The following XG variants were observed in gnomAD, a reference collection of about 807,000 sequenced individuals.
XG encodes glycoprotein Xg.
A neutral mutation model predicts 25.7 loss-of-function variants in XG; 24 were observed. That is an observed-to-expected ratio of 0.93 (90% CI 0.68 to 1.31). The LOEUF (loss-of-function observed/expected upper bound fraction) is 1.31. Among genes scored for constraint, XG ranks in the 40% most tolerant of loss-of-function variants. The pLI, the probability that XG is intolerant of heterozygous loss-of-function variation, is 0.00. For synonymous variants in XG, 77 were observed against 69.2 expected, an observed-to-expected ratio of 1.11 and a Z score of -0.56; for missense variants, 181 against 187.6, an observed-to-expected ratio of 0.96 and a Z score of 0.21.
chrX:2,763,204 G>C (rs1190112369), intron 1 of XG, among the ~76,000 whole-genome samples: 3 of 152,092 alleles, frequency 2.0e-5, no homozygotes, highest in African/African-American at 7.2e-5. Flanking sequence ...AGTAGACACA[G>C]GGCTTCCCCA....
At chrX:2,794,464 C>T in intron 5 of XG, 71 bp from the exon 6 acceptor site, 1 of 1,112,290 alleles carries the variant, frequency 9.0e-7, no homozygotes, top group Non-Finnish European at 1.2e-6. Context: ...CCAGTGCCCC[C>T]AGCGCAGACC....
chrX:2,773,167 G>A (rs2050862406), intron 2 of XG, among the ~76,000 whole-genome samples: 1 of 150,246 alleles, frequency 6.7e-6, no homozygotes, highest in African/African-American at 2.5e-5. Context: ...CAGGGAGGGA[G>A]GGAGGAAAAA....
In XG at chrX:2,787,893, G is replaced by GTCT. The variant is rs2086799441; in HGVS notation, c.191-1751_191-1750insTCT. 1.4e-4 allele frequency among the ~76,000 whole-genome samples: 11 copies of GTCT among 76,818 alleles called. No homozygotes were observed. In the South Asian group the frequency reaches 9.3e-3, roughly 65 times the overall value. The allele number at this position is 76,818 out of a possible 115,157, so 66.7% of individuals were successfully genotyped here. On this transcript the variant is annotated intron_variant, in intron 4 of 10. Transcript: ENST00000644266. ...CTGCACTCCAGCCTGGGCAACAACA[G>GTCT]CAAAACTCCTTCTCAAAAAAAAAAA...
At chrX:2,806,611 T>C in intron 7 of XG, 90 bp from the exon 8 acceptor site, 1 of 822,575 alleles carries the variant, frequency 1.2e-6, no homozygotes, top group Non-Finnish European at 1.7e-6. Flanking sequence ...AGCATCTTGC[T>C]TCAGGTTTGC....
In XG at chrX:2,814,948, A is replaced by G. The variant is rs990083514; in HGVS notation, c.*568A>G. Reference sequence around the variant, plus strand: ...TTGATCATCCTTTCAGCTTTGAGATATCTGCACATAAAATTATTATTACCT... The same window carrying G: ...TTGATCATCCTTTCAGCTTTGAGATGTCTGCACATAAAATTATTATTACCT... On this transcript the variant is annotated 3_prime_UTR_variant, in exon 11 of 11. Coordinates refer to ENST00000644266, the MANE Select transcript of XG (RefSeq NM_001141919.2). The G allele has an allele frequency of 8.9e-6, 1 of 112,197 alleles. No homozygotes were observed. The highest frequency in any genetic ancestry group is 3.2e-5 in the African/African-American group (1 of 30,890). The allele number at this position is 112,197 out of a possible 1,213,427, so 9.2% of individuals were successfully genotyped here.
At chrX:2,762,634 G>A (rs1205987718) in intron 1 of XG, among the ~76,000 whole-genome samples, 1 of 152,146 alleles carries the variant, frequency 6.6e-6, no homozygotes, top group African/African-American at 2.4e-5. Context: ...TTATCCATGG[G>A]GCTAAAGTAG....
chrX:2,800,319 C>T (rs754907588), intron 7 of XG, among the ~76,000 whole-genome samples: 2 of 111,225 alleles, frequency 1.8e-5, no homozygotes, highest in East Asian at 2.8e-4. Flanking sequence ...TCAGAGTCTC[C>T]GTTTCTCTCT....
At chrX:2,770,036 T>TGGGGGGGG (rs1556363415) in intron 1 of XG, among the ~76,000 whole-genome samples, 1 of 43,334 alleles carries the variant, frequency 2.3e-5, no homozygotes, top group African/African-American at 8.6e-5. Flanking sequence ...GGGGGGGCGT[T>TGGGGGGGG]GGGGGGCGGG....
chrX:2,773,590 G>GGAA (rs2050892058), intron 2 of XG, among the ~76,000 whole-genome samples: 1 of 65,610 alleles, frequency 1.5e-5, no homozygotes. Flanking sequence ...AGAGAAGGAA[G>GGAA]GAAGGAGAGA....
intron 8 of XG, 108 bp from the exon 9 acceptor site, chrX:2,808,076 AC>A (rs2087020697): frequency 1.2e-6 from 1 of 868,085 alleles, no homozygotes; most frequent in African/African-American, 2.0e-5. Flanking sequence ...TTCCCTGAAA[AC>A]AGGGATCTGT....
At chrX:2,757,506 G>C (rs1273027191) in intron 1 of XG, among the ~76,000 whole-genome samples, 1 of 151,714 alleles carries the variant, frequency 6.6e-6, no homozygotes, top group Non-Finnish European at 1.5e-5. Context: ...TCTATGTAAA[G>C]ACTAAAAAAG....
rs114460086 is a variant in XG at position 2,762,301 on chromosome X, C to T, written c.62-8249C>T. On this transcript the variant is annotated intron_variant, in intron 1 of 10. Transcript: ENST00000644266. ...AGGCCTGAATTCTCATTACCAATGT[C>T]TGCTCTAATAGAGCTTCAATCTGCA... 3.3e-4 allele frequency among the ~76,000 whole-genome samples: 50 copies of T among 151,976 alleles called. 1 individual carries two copies. Among genetic ancestry groups the T allele is most frequent in the African/African-American group, 1.2e-3 (48 of 41,238 alleles).
At chrX:2,794,495 G>C (rs2086865110) in intron 5 of XG, 40 bp from the exon 6 acceptor site, 12 of 1,196,018 alleles carry the variant, frequency 1.0e-5, no homozygotes, top group Non-Finnish European at 1.4e-5. Context: ...GGGACCTTTG[G>C]AGAGGTCTCA....
chrX:2,780,313 C>G (rs1343011332), intron 3 of XG, among the ~76,000 whole-genome samples: 4 of 151,556 alleles, frequency 2.6e-5, no homozygotes, highest in Non-Finnish European at 5.9e-5. Flanking sequence ...ATGCAATTGA[C>G]CAGCTGATGT....
chrX:2,806,420 C>G (rs1403023951), intron 7 of XG, among the ~76,000 whole-genome samples: 2 of 110,798 alleles, frequency 1.8e-5, no homozygotes, highest in Non-Finnish European at 3.8e-5. Context: ...CCAACATTTG[C>G]TGGCATTTTT....
intron 1 of XG, among the ~76,000 whole-genome samples, chrX:2,761,474 TAAG>T (rs1426414751): frequency 6.6e-6 from 1 of 151,520 alleles, no homozygotes; most frequent in Non-Finnish European, 1.5e-5. Context: ...AGACATCTCA[TAAG>T]AAGAGCAGAT....
intron 1 of XG, among the ~76,000 whole-genome samples, chrX:2,760,161 C>A (rs1298150608): frequency 6.6e-6 from 1 of 151,774 alleles, no homozygotes; most frequent in East Asian, 1.9e-4. Context: ...GCCTGGGCAA[C>A]AGAGCGAGAC....
chrX:2,766,948 G>A (rs1249297608), intron 1 of XG, among the ~76,000 whole-genome samples: 7 of 152,002 alleles, frequency 4.6e-5, no homozygotes, highest in African/African-American at 1.7e-4. Flanking sequence ...GGGGAAAGGC[G>A]TTCTTGTTTC....
chrX:2,807,787 T>G (rs1485496810), intron 8 of XG, among the ~76,000 whole-genome samples: 1 of 112,255 alleles, frequency 8.9e-6, no homozygotes, highest in East Asian at 2.8e-4. Flanking sequence ...ATGCTGCATG[T>G]GTGTATGCAT....
Sources: gnomAD v4.1 joint callset for allele counts (sites outside exome capture counted in the v4.1 genomes callset) on GRCh38, gnomAD v4.1.1 for gene constraint, MANE v1.5 for transcripts, NCBI Gene and HGNC (gene_info 2026-07-23, HGNC 2026-07-21) for gene names.